Variants in AMPH observed in about 807,000 individuals in gnomAD.
The protein encoded by AMPH is amphiphysin, also known as amphiphysin (Stiff-Mann syndrome with breast cancer 128kD autoantigen).
AMPH carries 49 observed loss-of-function variants against 99.1 expected under a neutral mutation model. That is an observed-to-expected ratio of 0.49 (90% CI 0.39 to 0.63). The LOEUF (loss-of-function observed/expected upper bound fraction) is 0.63. Among genes scored for constraint, AMPH ranks in the 20% least tolerant of loss-of-function variants. AMPH has a pLI of 0.00. For synonymous variants in AMPH, 314 were observed against 317.3 expected, an observed-to-expected ratio of 0.99 and a Z score of 0.11; for missense variants, 759 against 863.4, an observed-to-expected ratio of 0.88 and a Z score of 1.52.
chr7:38,571,258 A>AATATATATTTATATATATATTTTT (rs1791990022), intron 1 of AMPH, among the ~76,000 whole-genome samples: 1 of 62,102 alleles, frequency 1.6e-5, no homozygotes, highest in Non-Finnish European at 2.6e-5. Context: ...ATATATATTA[A>AATATATATTTATATATATATTTTT]ATATATATTT....
chr7:38,474,507 CA>C (rs1283403704), intron 7 of AMPH, among the ~76,000 whole-genome samples: 5 of 152,068 alleles, frequency 3.3e-5, no homozygotes, highest in African/African-American at 1.2e-4. Context: ...TATAGACCCT[CA>C]AAATGCTTAC....
chr7:38,546,101 C>G (rs1365617238), intron 1 of AMPH, among the ~76,000 whole-genome samples: 1 of 152,150 alleles, frequency 6.6e-6, no homozygotes, highest in Non-Finnish European at 1.5e-5. Flanking sequence ...CAAGAAGGAA[C>G]TCTGAGTGCC....
chr7:38,615,411 A>C (rs1211009318), intron 1 of AMPH, among the ~76,000 whole-genome samples: 2 of 152,120 alleles, frequency 1.3e-5, no homozygotes, highest in Non-Finnish European at 2.9e-5. Context: ...CTAAAAAGGG[A>C]GATAAAACCT....
chr7:38,531,953 C>A (rs1487038220), intron 2 of AMPH, among the ~76,000 whole-genome samples: 1 of 152,206 alleles, frequency 6.6e-6, no homozygotes, highest in South Asian at 2.1e-4. Context: ...ATAGACCTTG[C>A]AGATGTAACC....
intron 1 of AMPH, among the ~76,000 whole-genome samples, chr7:38,550,294 C>T (rs2118461): frequency 0.66 from 100,592 of 151,864 alleles, 33,589 homozygotes; most frequent in East Asian, 0.88. Context: ...CAGTACAATC[C>T]ACAATTTAAC....
chr7:38,453,146 T>C (rs764072923), intron 11 of AMPH, among the ~76,000 whole-genome samples: 9 of 152,142 alleles, frequency 5.9e-5, no homozygotes, highest in African/African-American at 9.7e-5. Context: ...AGAAACCCCT[T>C]TCTGACTCCT....
intron 1 of AMPH, among the ~76,000 whole-genome samples, chr7:38,609,051 C>T (rs1473350050): frequency 6.6e-6 from 1 of 152,104 alleles, no homozygotes; most frequent in East Asian, 1.9e-4. Flanking sequence ...GCTCTTGGCC[C>T]CAATCCCATT....
rs989260012 is a variant in AMPH, at chr7:38,394,065, G to C, written c.1548C>G (p.Thr516=). The C allele has an allele frequency of 1.2e-6, 2 of 1,614,132 alleles. No individual in the cohort carries two copies. Among genetic ancestry groups the C allele is most frequent in the Admixed American group, 1.7e-5 (1 of 60,014 alleles). Residue 516 remains threonine (T), a synonymous_variant, in exon 18 of 21, where the codon ACC becomes ACG. Transcript: ENST00000356264. ...GTTGGGCACTCTCTGCACCCTCAGTGGTTTCAGTTCCAATTTTGGCCTCCT... is the reference window on the plus strand; with the variant it reads ...GTTGGGCACTCTCTGCACCCTCAGTCGTTTCAGTTCCAATTTTGGCCTCCT... ...SLEEAKIGTE[T]TEGAESAQPE...
intron 1 of AMPH, among the ~76,000 whole-genome samples, chr7:38,558,456 T>C (rs998604667): frequency 6.6e-6 from 1 of 152,202 alleles, no homozygotes; most frequent in East Asian, 1.9e-4. Context: ...GCTCAGAGAA[T>C]TGAAACTCTT....
intron 1 of AMPH, among the ~76,000 whole-genome samples, chr7:38,575,728 T>A (rs1792214970): frequency 6.6e-6 from 1 of 152,182 alleles, no homozygotes; most frequent in Non-Finnish European, 1.5e-5. Context: ...AATTACCCAG[T>A]CTTGGGCAGT....
intron 14 of AMPH, chr7:38,428,566 T>C: frequency 2.2e-6 from 1 of 456,682 alleles, no homozygotes; most frequent in Non-Finnish European, 4.4e-6. Flanking sequence ...GGGTAAAATA[T>C]CATATCATGG....
At chr7:38,521,445 C>G (rs1316145784) in intron 2 of AMPH, among the ~76,000 whole-genome samples, 1 of 152,100 alleles carries the variant, frequency 6.6e-6, no homozygotes, top group African/African-American at 2.4e-5. Flanking sequence ...CGCTTGAACC[C>G]GGCGGGCAGA....
intron 1 of AMPH, among the ~76,000 whole-genome samples, chr7:38,541,440 T>C (rs1790806374): frequency 1.3e-5 from 2 of 152,210 alleles, no homozygotes; most frequent in Non-Finnish European, 2.9e-5. Context: ...AGGACTAAGA[T>C]GAAACACTAG....
chr7:38,529,018 C>T (rs1159352445), intron 2 of AMPH, among the ~76,000 whole-genome samples: 2 of 152,050 alleles, frequency 1.3e-5, no homozygotes, highest in Non-Finnish European at 2.9e-5. Context: ...CCCTATTACA[C>T]CAGACTATCT....
chr7:38,620,560 C>A (rs28684534), intron 1 of AMPH, among the ~76,000 whole-genome samples: 136 of 129,182 alleles, frequency 1.1e-3, no homozygotes, highest in African/African-American at 3.4e-3. Flanking sequence ...CACACACACA[C>A]ACACACACAC....
At chr7:38,491,432 T>C (rs10255786) in intron 4 of AMPH, among the ~76,000 whole-genome samples, 29,741 of 152,066 alleles carry the variant, frequency 0.2, 3,121 homozygotes, top group Middle Eastern at 0.23. Flanking sequence ...CATAACCCTA[T>C]AGATGGACTT....
intron 3 of AMPH, among the ~76,000 whole-genome samples, chr7:38,497,371 G>T (rs1788970393): frequency 6.6e-6 from 1 of 151,828 alleles, no homozygotes; most frequent in African/African-American, 2.4e-5. Context: ...TAAGACAAAT[G>T]CCCAGCATCA....
At chr7:38,430,332 A>C (rs941806771) in intron 13 of AMPH, among the ~76,000 whole-genome samples, 1 of 152,224 alleles carries the variant, frequency 6.6e-6, no homozygotes, top group Non-Finnish European at 1.5e-5. Flanking sequence ...GAATGGTCTG[A>C]TATTAACCAG....
In AMPH at chr7:38,429,843, G is replaced by A. The variant is rs138512950; in HGVS notation, c.1181C>T (p.Pro394Leu). 27 of 1,605,288 alleles carry A rather than the reference G, an allele frequency of 1.7e-5. No individual in the cohort carries two copies. The highest frequency in any genetic ancestry group is 1.1e-4 in the African/African-American group (8 of 74,290). ...LWTTSTDLVQ[P>L]ASGGSFNGFT... ...AGAATGATCTGGATATTTACCTACC[G>A]GCTGTACCAAATCAGTGCTTGTCTG... Residue 394 changes from proline to leucine, a missense_variant and splice_region_variant, in exon 14 of 21, where the codon CCG (proline) becomes CTG (leucine). This residue lies in a region of AMPH where 554 missense variants were observed against 575.6 expected (regional missense o/e 0.96). Coordinates refer to ENST00000356264, the MANE Select transcript of AMPH (RefSeq NM_001635.4).
Sources: gnomAD v4.1 joint callset for allele counts (sites outside exome capture counted in the v4.1 genomes callset) on GRCh38, gnomAD v4.1.1 for gene constraint, gnomAD v4.1.1 regional missense constraint, MANE v1.5 for transcripts, NCBI Gene and HGNC (gene_info 2026-07-23, HGNC 2026-07-21) for gene names.